CD58: variants seen among roughly 807,000 people sequenced by gnomAD.
The protein encoded by CD58 is CD58 molecule.
In CD58, 14 loss-of-function variants were observed where a neutral mutation model predicts 27.6. That is an observed-to-expected ratio of 0.51 (90% CI 0.34 to 0.79). The LOEUF is 0.79. Ranked by LOEUF, CD58 falls within the 30% of genes least tolerant of loss-of-function variation. CD58 has a pLI of 0.02. For missense variants in CD58, 268 were observed against 301.7 expected, an observed-to-expected ratio of 0.89 and a Z score of 0.83; for synonymous variants, 117 against 103.8, an observed-to-expected ratio of 1.13 and a Z score of -0.77.
chr1:116,522,055 C>T lies in CD58; in HGVS notation c.629-72G>A. ...AATGGATCCTCATTATTTGCAGATT[C>T]CACCTTGCGGTTTGCTTATTTACTG... On this transcript the variant is annotated intron_variant, in intron 3 of 5. Transcript: ENST00000369489. The surrounding 1 kb of genome is among the most constrained non-coding windows in gnomAD (Gnocchi z 4.6). The T allele has an allele frequency of 1.3e-6, 1 of 797,334 alleles. No individual in the cohort carries two copies. The highest frequency in any genetic ancestry group is 2.1e-6 in the Non-Finnish European group (1 of 485,692). 49.4% of individuals were successfully genotyped at this position (797,334 alleles called of 1,614,324 possible).
Position 116,522,169 on chromosome 1 carries a change from C to G in CD58, c.629-186G>C, listed in dbSNP as rs1487168531. Among the ~76,000 whole-genome samples the G allele has an allele frequency of 6.6e-6, 1 of 152,224 alleles. No individual in the cohort carries two copies. Among genetic ancestry groups the G allele is most frequent in the Non-Finnish European group, 1.5e-5 (1 of 68,032 alleles). On this transcript the variant is annotated intron_variant, in intron 3 of 5. Transcript: ENST00000369489. This position sits in a 1 kb window ranked among gnomAD's most constrained non-coding sequence, Gnocchi z 4.6. ...TGAAAACTTTGAGTCACCCAATAAG[C>G]AGATTCCCAGCAGAGGTGGAAAAAG...
At position 116,523,701 on chromosome 1, in the gene CD58, C is replaced by G. The variant is rs1431465585; in HGVS notation, c.629-1718G>C. On this transcript the variant is annotated intron_variant, in intron 3 of 5. Transcript: ENST00000369489. The surrounding 1 kb of genome is among the most constrained non-coding windows in gnomAD (Gnocchi z 4.4). ...GCCACTGAAGATCATTGTCTAGAGC[C>G]ATAAGTTCATCAAGGGTTTGCAAAG... Among the ~76,000 whole-genome samples, 2 of 152,128 alleles carry G rather than the reference C, an allele frequency of 1.3e-5. No homozygotes were observed. Among genetic ancestry groups the G allele is most frequent in the Admixed American group, 1.3e-4 (2 of 15,270 alleles).
At position 116,535,570 on chromosome 1, in the gene CD58, G is replaced by T. The variant is rs531623877; in HGVS notation, c.628+395C>A. ...AAATTGTAACTTGTTGGCCGGGCGC[G>T]GTGGCTCACGCCTGTAATCCCAGCA... On this transcript the variant is annotated intron_variant, in intron 3 of 5. Coordinates refer to ENST00000369489, the MANE Select transcript of CD58 (RefSeq NM_001779.3). 2.0e-5 allele frequency among the ~76,000 whole-genome samples: 2 copies of T among 98,240 alleles called. 1 individual carries two copies. Among genetic ancestry groups the T allele is most frequent in the South Asian group, 9.9e-4 (2 of 2,020 alleles). The allele number at this position is 98,240 out of a possible 152,430, so 64.4% of individuals were successfully genotyped here. A position where few individuals can be genotyped will look rare whatever the true frequency, so the allele number is the denominator to read the frequency against.
chr1:116,517,841 A>G lies in CD58; in HGVS notation c.743+1390T>C, dbSNP rs1347985185. ...TGTGCATGGACATCACTAGCCAGGT[A>G]ATACACCAGCACCCCAAAATCAACC... On this transcript the variant is annotated intron_variant, in intron 5 of 5. Coordinates refer to ENST00000369489, the MANE Select transcript of CD58 (RefSeq NM_001779.3). The surrounding 1 kb of genome is among the most constrained non-coding windows in gnomAD (Gnocchi z 6.5). Among the ~76,000 whole-genome samples the G allele has an allele frequency of 2.6e-5, 4 of 152,166 alleles. No individual in the cohort carries two copies. Among genetic ancestry groups the G allele is most frequent in the African/African-American group, 4.8e-5 (2 of 41,458 alleles).
At chr1:116,540,871 G>A (rs1657967406) in intron 2 of CD58, among the ~76,000 whole-genome samples, 1 of 152,312 alleles carries the variant, frequency 6.6e-6, no homozygotes, top group East Asian at 1.9e-4. Flanking sequence ...GTGCAGAGGT[G>A]CAATCATGGC....
intron 3 of CD58, 54 bp downstream of exon 3, chr1:116,535,911 G>GT: frequency 8.8e-7 from 1 of 1,132,004 alleles, no homozygotes; most frequent in Non-Finnish European, 1.3e-6. Flanking sequence ...CCTTGTGTTA[G>GT]TCACCACATC....
chr1:116,525,179 C>T (rs979148651), intron 3 of CD58, among the ~76,000 whole-genome samples: 4 of 152,174 alleles, frequency 2.6e-5, no homozygotes, highest in African/African-American at 4.8e-5. Flanking sequence ...TTTCACTGCC[C>T]CCAAACTCCT....
chr1:116,536,251 T>C lies in CD58; in HGVS notation c.365-23A>G. 1 of 1,566,346 alleles carries C rather than the reference T, an allele frequency of 6.4e-7. No individual in the cohort carries two copies. Among genetic ancestry groups the C allele is most frequent in the Admixed American group, 1.7e-5 (1 of 58,128 alleles). On this transcript the variant is annotated intron_variant, in intron 2 of 5. Transcript: ENST00000369489. This position sits in a 1 kb window ranked among gnomAD's most constrained non-coding sequence, Gnocchi z 5.4. ...ACTCTGGAAAAAAAAGTATAATATT[T>C]AGTACAGAAAATAGTAATATTTAGA...
rs546831119 is a variant in CD58, at chr1:116,531,372, C to A, written c.628+4593G>T. On this transcript the variant is annotated intron_variant, in intron 3 of 5. Transcript: ENST00000369489. The surrounding 1 kb of genome is among the most constrained non-coding windows in gnomAD (Gnocchi z 4.5). Reference sequence around the variant, plus strand: ...TAAAACTTTTCAAGATTTCAACTTGCTTGCTCTGTCTATATGTGGTCATCT... The same window carrying A: ...TAAAACTTTTCAAGATTTCAACTTGATTGCTCTGTCTATATGTGGTCATCT... Among the ~76,000 whole-genome samples, 1 of 152,254 alleles carries A rather than the reference C, an allele frequency of 6.6e-6. No homozygotes were observed.
Position 116,517,843 on chromosome 1 carries a change from T to C in CD58, c.743+1388A>G, listed in dbSNP as rs1455366233. 6.6e-6 allele frequency among the ~76,000 whole-genome samples: 1 copy of C among 152,186 alleles called. No individual in the cohort carries two copies. Among genetic ancestry groups the C allele is most frequent in the Admixed American group, 6.5e-5 (1 of 15,278 alleles). On this transcript the variant is annotated intron_variant, in intron 5 of 5. Coordinates refer to ENST00000369489, the MANE Select transcript of CD58 (RefSeq NM_001779.3). The surrounding 1 kb of genome is among the most constrained non-coding windows in gnomAD (Gnocchi z 6.5). ...TGCATGGACATCACTAGCCAGGTAATACACCAGCACCCCAAAATCAACCTG... is the reference window on the plus strand; with the variant it reads ...TGCATGGACATCACTAGCCAGGTAACACACCAGCACCCCAAAATCAACCTG...
At chr1:116,539,195 G>C (rs12042932) in intron 2 of CD58, among the ~76,000 whole-genome samples, 2 of 152,280 alleles carry the variant, frequency 1.3e-5, no homozygotes, top group Middle Eastern at 3.4e-3. Flanking sequence ...TAGAGCACAC[G>C]GCCATTGGCT....
chr1:116,536,046 G>C lies in CD58; in HGVS notation c.547C>G (p.Gln183Glu). 6.2e-7 allele frequency: 1 copy of C among 1,612,744 alleles called. No individual in the cohort carries two copies. The highest frequency in any genetic ancestry group is 1.3e-5 in the African/African-American group (1 of 74,916). Residue 183 changes from glutamine (Q) to glutamate (E), a missense_variant, in exon 3 of 6, where the codon CAA becomes GAA. Coordinates refer to ENST00000369489, the MANE Select transcript of CD58 (RefSeq NM_001779.3). This position sits in a 1 kb window ranked among gnomAD's most constrained non-coding sequence, Gnocchi z 5.4. ...IYFKMENDLPQKIQCTLSNPL... is the reference protein window; with the variant it reads ...IYFKMENDLPEKIQCTLSNPL... ...TTGCTAAGAGTACACTGTATTTTTT[G>C]TGGAAGATCATTTTCCATCTTAAAA...
rs1018806689 is a variant in CD58, at chr1:116,516,325, C to G, written c.744-1503G>C. On this transcript the variant is annotated intron_variant, in intron 5 of 5. Transcript: ENST00000369489. This position sits in a 1 kb window ranked among gnomAD's most constrained non-coding sequence, Gnocchi z 6.1. ...AACTTGAATAGTAAATAAAAATATA[C>G]CAAGAAAAGTAAGCTCCTCTCTCAA... Among the ~76,000 whole-genome samples the G allele has an allele frequency of 1.3e-5, 2 of 152,138 alleles. No homozygotes were observed. The highest frequency in any genetic ancestry group is 4.8e-5 in the African/African-American group (2 of 41,414).
At position 116,544,330 on chromosome 1, in the gene CD58, C is replaced by A. The variant is rs1658083508; in HGVS notation, c.345G>T (p.Lys115Asn). Reference sequence around the variant, plus strand: ...ACTCACCAAGCACATAAAGAAAGAACTTCATGGTATCAGTAATATTTGGCG... The same window carrying A: ...ACTCACCAAGCACATAAAGAAAGAAATTCATGGTATCAGTAATATTTGGCG... ...MESPNITDTM[K>N]FFLYVLESLP... Residue 115 changes from lysine (K) to asparagine (N), a missense_variant, in exon 2 of 6, where the codon AAG (lysine) becomes AAT (asparagine). Transcript: ENST00000369489. 1 of 1,604,122 alleles carries A rather than the reference C, an allele frequency of 6.2e-7. No homozygotes were observed. The highest frequency in any genetic ancestry group is 8.5e-7 in the Non-Finnish European group (1 of 1,176,560).
intron 1 of CD58, among the ~76,000 whole-genome samples, chr1:116,547,551 G>A (rs113213686): frequency 2.0e-5 from 3 of 151,886 alleles, no homozygotes; most frequent in Non-Finnish European, 4.4e-5. Context: ...GGATGGTCTC[G>A]ATCTCCTGAC....
rs1291516642 is a variant in CD58 at position 116,559,582 on chromosome 1, TC to T, written c.70+11320del. The stretch of plus-strand genomic sequence containing the variant: ...GATTTCAGCCACACCACCACCAGTT[TC>T]CCTGCCCTCATCTACTTCATACTGA... On this transcript the variant is annotated intron_variant, in intron 1 of 5. Coordinates refer to ENST00000369489, the MANE Select transcript of CD58 (RefSeq NM_001779.3). This position sits in a 1 kb window ranked among gnomAD's most constrained non-coding sequence, Gnocchi z 4.4. 6.6e-6 allele frequency among the ~76,000 whole-genome samples: 1 copy of T among 152,100 alleles called. No individual in the cohort carries two copies. Among genetic ancestry groups the T allele is most frequent in the Admixed American group, 6.5e-5 (1 of 15,272 alleles).
intron 4 of CD58, among the ~76,000 whole-genome samples, chr1:116,520,913 G>A (rs535702438): frequency 5.4e-4 from 82 of 152,122 alleles, no homozygotes; most frequent in African/African-American, 1.8e-3. Flanking sequence ...CACTGATATC[G>A]CAAAATAGTC....
At chr1:116,543,511 C>T (rs533588029) in intron 2 of CD58, among the ~76,000 whole-genome samples, 2 of 151,482 alleles carry the variant, frequency 1.3e-5, no homozygotes, top group African/African-American at 4.9e-5. Context: ...CCAAGAAACA[C>T]TGGCATGTGA....
intron 3 of CD58, among the ~76,000 whole-genome samples, chr1:116,526,353 T>G (rs1182932479): frequency 1.3e-5 from 2 of 152,200 alleles, no homozygotes; most frequent in African/African-American, 4.8e-5. Flanking sequence ...CCATTTTGAG[T>G]AAAATTTTGT....
Sources: gnomAD v4.1 joint callset for allele counts (sites outside exome capture counted in the v4.1 genomes callset) on GRCh38, gnomAD v4.1.1 for gene constraint, Gnocchi (gnomAD v3.1) non-coding constraint, MANE v1.5 for transcripts, NCBI Gene and HGNC (gene_info 2026-07-23, HGNC 2026-07-21) for gene names.